Variants in STK3 observed in about 807,000 individuals in gnomAD.
The protein encoded by STK3 is serine/threonine-protein kinase 3.
In STK3, 41 loss-of-function variants were observed where a neutral mutation model predicts 58.0. The observed-to-expected ratio is 0.71, with a 90% confidence interval of 0.55 to 0.92. The LOEUF (loss-of-function observed/expected upper bound fraction) is 0.92. STK3 is among the 40% of genes least tolerant of loss of function. The probability of loss-of-function intolerance (pLI) is 0.00; values close to 1 mark genes in which losing one functional copy is unlikely to be tolerated. For missense variants in STK3, 479 were observed against 602.7 expected (o/e 0.79, Z 2.15); for synonymous variants, 170 against 191.0 (o/e 0.89, Z 0.91).
At chr8:98,365,056 C>G in the STK3 span, among the ~76,000 whole-genome samples, 1 of 152,156 alleles carries the variant, frequency 6.6e-6, no homozygotes, top group African/African-American at 2.4e-5. Context: ...CTCACCATCC[C>G]GGTGCATTCC....
intron 3 of STK3, among the ~76,000 whole-genome samples, chr8:98,420,795 C>T (rs1218489307): frequency 6.6e-6 from 1 of 152,256 alleles, no homozygotes; most frequent in Non-Finnish European, 1.5e-5. Flanking sequence ...ATCACAAGCA[C>T]TCAGCAATTG....
chr8:98,759,508 A>G (rs1830493458), intron 3 of STK3, among the ~76,000 whole-genome samples: 1 of 152,202 alleles, frequency 6.6e-6, no homozygotes, highest in African/African-American at 2.4e-5. Context: ...CAGATATAAT[A>G]ATAATGAAAA....
rs960294810 is a variant in STK3 at position 98,800,887 on chromosome 8, C to T, written c.26+24628G>A. ...AGCCCCCCCCACCAAGGTGGGCTCC[C>T]GTGCAGCCGGAGCCTCCCCAACAGG... On this transcript the variant is annotated intron_variant, in intron 1 of 10. Transcript: ENST00000419617. This position sits in a 1 kb window ranked among gnomAD's most constrained non-coding sequence, Gnocchi z 4.8. 5.9e-5 allele frequency among the ~76,000 whole-genome samples: 9 copies of T among 152,216 alleles called. No homozygotes were observed. Among genetic ancestry groups the T allele is most frequent in the African/African-American group, 4.8e-5 (2 of 41,458 alleles).
At chr8:98,687,458 G>A (rs1032718274) in intron 6 of STK3, among the ~76,000 whole-genome samples, 6 of 152,066 alleles carry the variant, frequency 3.9e-5, no homozygotes, top group Non-Finnish European at 5.9e-5. Flanking sequence ...ATTCTTGATC[G>A]CCCACCGCCC....
chr8:98,900,677 T>C (rs76834378), intron 1 of STK3, among the ~76,000 whole-genome samples: 1 of 151,712 alleles, frequency 6.6e-6, no homozygotes, highest in Non-Finnish European at 1.5e-5. Context: ...TTTTTTTTTT[T>C]CTGAGACAGG....
chr8:98,863,664 A>G (rs936502018), intron 3 of STK3, among the ~76,000 whole-genome samples: 3 of 152,244 alleles, frequency 2.0e-5, no homozygotes, highest in African/African-American at 7.2e-5. Context: ...ACCCATTACC[A>G]TCCATATTCT....
intron 3 of STK3, among the ~76,000 whole-genome samples, chr8:98,410,673 G>A (rs1818044117): frequency 6.6e-6 from 1 of 152,160 alleles, no homozygotes; most frequent in African/African-American, 2.4e-5. Context: ...ATAGTATTAA[G>A]TATGTCTATG....
intron 10 of STK3, among the ~76,000 whole-genome samples, chr8:98,481,798 C>A (rs1563648417): frequency 6.6e-6 from 1 of 150,610 alleles, no homozygotes; most frequent in East Asian, 1.9e-4. Flanking sequence ...AAATTCTGAA[C>A]ATTATCTGGA....
At chr8:98,381,466 C>T (rs1022973647) in intron 1 of STK3, among the ~76,000 whole-genome samples, 7 of 152,148 alleles carry the variant, frequency 4.6e-5, no homozygotes, top group Non-Finnish European at 1.5e-5. Context: ...ATTAAACAGA[C>T]ATACGTGACT....
upstream of STK3, among the ~76,000 whole-genome samples, chr8:98,828,552 GC>G (rs939321358): frequency 5.9e-4 from 88 of 150,170 alleles, no homozygotes; most frequent in African/African-American, 1.9e-3. Context: ...CTGCACTCCA[GC>G]CTGAGCAATA....
chr8:98,698,689 G>A (rs1048527094), intron 6 of STK3, among the ~76,000 whole-genome samples: 3 of 152,240 alleles, frequency 2.0e-5, no homozygotes, highest in Admixed American at 1.3e-4. Flanking sequence ...TTGAATATTG[G>A]CCCCCACTGT....
intron 3 of STK3, among the ~76,000 whole-genome samples, chr8:98,417,540 CA>C (rs1818129136): frequency 6.6e-6 from 1 of 152,020 alleles, no homozygotes; most frequent in Non-Finnish European, 1.5e-5. Flanking sequence ...AATAAACAAA[CA>C]AACAAACAGT....
chr8:98,487,748 T>C (rs996050078), intron 10 of STK3, among the ~76,000 whole-genome samples: 1 of 152,206 alleles, frequency 6.6e-6, no homozygotes, highest in Non-Finnish European at 1.5e-5. Context: ...CCTTCACATA[T>C]ATGAAGACAA....
chr8:98,390,636 A>T (rs1817840067), upstream of STK3, among the ~76,000 whole-genome samples: 1 of 151,934 alleles, frequency 6.6e-6, no homozygotes, highest in South Asian at 2.1e-4. Flanking sequence ...TTTTTCCAGC[A>T]ATGCACTTTG....
intron 6 of STK3, chr8:98,597,164 A>G (rs1815898172): frequency 1.8e-6 from 1 of 541,774 alleles, no homozygotes; most frequent in South Asian, 8.0e-5. Context: ...GCACTCAGGT[A>G]TTTTAATAAT....
At chr8:98,513,971 C>A (rs963422454) in intron 10 of STK3, among the ~76,000 whole-genome samples, 1 of 152,178 alleles carries the variant, frequency 6.6e-6, no homozygotes, top group Non-Finnish European at 1.5e-5. Flanking sequence ...CATATTCCAA[C>A]CACATGAACA....
intron 10 of STK3, among the ~76,000 whole-genome samples, chr8:98,512,468 T>C (rs1279151937): frequency 6.6e-6 from 1 of 152,184 alleles, no homozygotes. Context: ...TTTAGAATTT[T>C]AGATGACATA....
intron 3 of STK3, among the ~76,000 whole-genome samples, chr8:98,760,194 T>C (rs1160912569): frequency 1.3e-5 from 2 of 152,174 alleles, no homozygotes; most frequent in South Asian, 4.1e-4. Context: ...CACGCTAGAG[T>C]GCAGTGGCAC....
intron 10 of STK3, among the ~76,000 whole-genome samples, chr8:98,484,227 T>G (rs944357285): frequency 1.6e-4 from 24 of 150,242 alleles, no homozygotes; most frequent in African/African-American, 5.6e-4. Context: ...AATAATTTCT[T>G]TCCTACAAAA....
Sources: allele counts gnomAD v4.1 joint callset (sites outside exome capture counted in the v4.1 genomes callset), GRCh38; gene constraint gnomAD v4.1.1; non-coding constraint Gnocchi (gnomAD v3.1); transcripts MANE v1.5; gene names NCBI Gene and HGNC (gene_info 2026-07-23, HGNC 2026-07-21).